RXFP1: variants seen among roughly 807,000 people sequenced by gnomAD.
RXFP1 encodes the protein relaxin family peptide receptor 1.
In RXFP1, 73 loss-of-function variants were observed where a neutral mutation model predicts 89.8. The observed-to-expected ratio is 0.81, with a 90% CI of 0.67 to 0.99. RXFP1 has a LOEUF of 0.99. RXFP1 is among the 50% of genes least tolerant of loss of function. The probability of loss-of-function intolerance (pLI) is 0.00; values close to 1 mark genes in which losing one functional copy is unlikely to be tolerated. For synonymous variants in RXFP1, 277 were observed against 305.5 expected, an observed-to-expected ratio of 0.91 and a Z score of 0.97; for missense variants, 793 against 895.5, an observed-to-expected ratio of 0.89 and a Z score of 1.46.
intron 1 of RXFP1, among the ~76,000 whole-genome samples, chr4:158,548,589 T>C (rs1425760959): frequency 6.6e-6 from 1 of 152,212 alleles, no homozygotes; most frequent in African/African-American, 2.4e-5. Context: ...TGGCTGGTAC[T>C]GGTTGTTCCT....
At chr4:158,648,982 G>A (rs765150257) in intron 17 of RXFP1, among the ~76,000 whole-genome samples, 3 of 152,238 alleles carry the variant, frequency 2.0e-5, no homozygotes, top group African/African-American at 4.8e-5. Context: ...GCATGGTGGT[G>A]CACCGCTGCA....
At chr4:158,547,930 A>G (rs1055381407) in intron 1 of RXFP1, among the ~76,000 whole-genome samples, 1 of 152,218 alleles carries the variant, frequency 6.6e-6, no homozygotes, top group East Asian at 1.9e-4. Flanking sequence ...TATTCTGTTG[A>G]TTTGGGGTGG....
chr4:158,590,363 T>C (rs1759193607), intron 2 of RXFP1, among the ~76,000 whole-genome samples: 1 of 152,170 alleles, frequency 6.6e-6, no homozygotes, highest in Non-Finnish European at 1.5e-5. Flanking sequence ...TTTCTCCACC[T>C]TGGCCAGACT....
intron 1 of RXFP1, among the ~76,000 whole-genome samples, chr4:158,548,722 C>A (rs1410538240): frequency 6.6e-6 from 1 of 152,116 alleles, no homozygotes; most frequent in Non-Finnish European, 1.5e-5. Flanking sequence ...CTTAGTTTAG[C>A]TGGATATGAA....
chr4:158,549,664 T>C (rs1317115041), intron 1 of RXFP1, among the ~76,000 whole-genome samples: 4 of 151,728 alleles, frequency 2.6e-5, no homozygotes, highest in African/African-American at 9.7e-5. Context: ...GTTTTCCTTC[T>C]AACAGACAGG....
intron 2 of RXFP1, among the ~76,000 whole-genome samples, chr4:158,585,099 A>G (rs1579829791): frequency 6.6e-6 from 1 of 152,164 alleles, no homozygotes; most frequent in African/African-American, 2.4e-5. Context: ...ACTTTTGAAA[A>G]CCACTGATCT....
intron 1 of RXFP1, among the ~76,000 whole-genome samples, chr4:158,535,656 T>A (rs1303530689): frequency 6.6e-6 from 1 of 152,284 alleles, no homozygotes; most frequent in African/African-American, 2.4e-5. Flanking sequence ...ATTGTTTTCC[T>A]GGGACCTTAA....
intron 4 of RXFP1, among the ~76,000 whole-genome samples, chr4:158,604,174 T>C (rs912979760): frequency 5.9e-5 from 9 of 152,186 alleles, no homozygotes; most frequent in African/African-American, 1.9e-4. Context: ...TTAGTGCTTA[T>C]TGTATAAAAC....
intron 6 of RXFP1, among the ~76,000 whole-genome samples, chr4:158,608,409 C>G (rs1367046937): frequency 6.7e-6 from 1 of 149,364 alleles, no homozygotes; most frequent in Non-Finnish European, 1.5e-5. Flanking sequence ...GCCTCAGCCT[C>G]CCGAATAGCT....
At chr4:158,583,775 A>C (rs1757806184) in intron 2 of RXFP1, among the ~76,000 whole-genome samples, 1 of 152,180 alleles carries the variant, frequency 6.6e-6, no homozygotes, top group South Asian at 2.1e-4. Context: ...CTCTCAGAAC[A>C]CTTCCTTCTA....
chr4:158,541,770 G>A (rs918700692), intron 1 of RXFP1, among the ~76,000 whole-genome samples: 10 of 152,032 alleles, frequency 6.6e-5, no homozygotes, highest in Non-Finnish European at 1.5e-4. Flanking sequence ...TATCTCCAAA[G>A]AGTTACAGTC....
At chr4:158,568,363 A>G (rs569556257) in intron 1 of RXFP1, among the ~76,000 whole-genome samples, 1 of 152,394 alleles carries the variant, frequency 6.6e-6, no homozygotes, top group African/African-American at 2.4e-5. Flanking sequence ...AATATTCAGA[A>G]AAGTTATGTG....
chr4:158,595,649 G>C (rs1222696940), intron 3 of RXFP1, among the ~76,000 whole-genome samples: 1 of 152,034 alleles, frequency 6.6e-6, no homozygotes, highest in Admixed American at 6.5e-5. Flanking sequence ...TTTTCTTCAT[G>C]TTCTACCATA....
chr4:158,585,789 C>T (rs866327960), intron 2 of RXFP1, among the ~76,000 whole-genome samples: 2 of 152,162 alleles, frequency 1.3e-5, no homozygotes, highest in South Asian at 4.1e-4. Flanking sequence ...CATCAATAAG[C>T]ATAGCATGAA....
chr4:158,578,000 A>G (rs943869330), intron 2 of RXFP1, among the ~76,000 whole-genome samples: 1 of 152,202 alleles, frequency 6.6e-6, no homozygotes, highest in Admixed American at 6.5e-5. Flanking sequence ...TGTGAACACA[A>G]TGCAAGCAAA....
intron 4 of RXFP1, among the ~76,000 whole-genome samples, chr4:158,601,422 G>A (rs1478594678): frequency 1.3e-5 from 2 of 152,108 alleles, no homozygotes; most frequent in African/African-American, 4.8e-5. Context: ...GTCACTCAGT[G>A]GAAATCTTCA....
rs61595127 is a variant in RXFP1 at position 158,561,127 on chromosome 4, C to T, written c.50-11571C>T. On this transcript the variant is annotated intron_variant, in intron 1 of 17. Transcript: ENST00000307765. ...TGTAAAATAAAACCAATCTCCTTCACTTTTTAGTTTATAAATGTTTAACTC... is the reference window on the plus strand; with the variant it reads ...TGTAAAATAAAACCAATCTCCTTCATTTTTTAGTTTATAAATGTTTAACTC... Among the ~76,000 whole-genome samples, 624 of 152,320 alleles carry T rather than the reference C, an allele frequency of 4.1e-3. 7 individuals are homozygous for T. The highest frequency in any genetic ancestry group is 0.014 in the African/African-American group (597 of 41,564).
intron 1 of RXFP1, among the ~76,000 whole-genome samples, chr4:158,537,334 A>G (rs959323670): frequency 1.1e-4 from 16 of 152,066 alleles, no homozygotes. Context: ...GTCCCCCCAA[A>G]AAACAACTAA....
intron 9 of RXFP1, among the ~76,000 whole-genome samples, chr4:158,620,816 T>C (rs2150160343): frequency 6.6e-6 from 1 of 152,282 alleles, no homozygotes; most frequent in East Asian, 1.9e-4. Flanking sequence ...TCAAAGGATG[T>C]CATTTAAAGC....
Sources: allele counts gnomAD v4.1 joint callset (sites outside exome capture counted in the v4.1 genomes callset), GRCh38; gene constraint gnomAD v4.1.1; transcripts MANE v1.5; gene names NCBI Gene and HGNC (gene_info 2026-07-23, HGNC 2026-07-21).